Variants in PAM observed in about 807,000 individuals in gnomAD.
The protein encoded by PAM is peptidyl-glycine alpha-amidating monooxygenase.
A neutral mutation model predicts 122.1 loss-of-function variants in PAM; 72 were observed. The ratio of observed to expected loss-of-function variants is 0.59; its 90% CI spans 0.49 to 0.72. PAM has a LOEUF of 0.72. Among genes scored for constraint, PAM ranks in the 30% least tolerant of loss-of-function variants. The pLI, the probability that PAM is intolerant of heterozygous loss-of-function variation, is 0.00. For synonymous variants in PAM, 389 were observed against 404.4 expected (o/e 0.96, Z 0.46); for missense variants, 1,106 against 1,183.7 (o/e 0.93, Z 0.96).
intron 7 of PAM, among the ~76,000 whole-genome samples, chr5:102,946,427 C>A (rs1185591672): frequency 3.3e-5 from 5 of 151,848 alleles, no homozygotes; most frequent in Non-Finnish European, 7.4e-5. Context: ...AAATTATGAA[C>A]TACACTTCTT....
chr5:102,775,100 C>A (rs1248914856), intron 1 of PAM, among the ~76,000 whole-genome samples: 2 of 151,844 alleles, frequency 1.3e-5, no homozygotes, highest in African/African-American at 4.8e-5. Context: ...ATGGATTTTA[C>A]AAATTGATTC....
At chr5:102,790,560 G>A (rs1425397491) in intron 1 of PAM, among the ~76,000 whole-genome samples, 2 of 152,016 alleles carry the variant, frequency 1.3e-5, no homozygotes, top group African/African-American at 2.4e-5. Context: ...TGTGGTATTA[G>A]GTTAGATAGA....
At chr5:103,001,102 A>C (rs1777252044) in intron 16 of PAM, among the ~76,000 whole-genome samples, 3 of 152,212 alleles carry the variant, frequency 2.0e-5, no homozygotes, top group African/African-American at 7.2e-5. Flanking sequence ...TGAAGGTTAC[A>C]ATATACTGAG....
chr5:102,776,222 A>C (rs1305420519), intron 1 of PAM, among the ~76,000 whole-genome samples: 1 of 151,878 alleles, frequency 6.6e-6, no homozygotes, highest in Non-Finnish European at 1.5e-5. Context: ...TTCCTTGTAG[A>C]TTCTGGGTAT....
intron 4 of PAM, among the ~76,000 whole-genome samples, chr5:102,902,793 A>G (rs1798370600): frequency 6.6e-6 from 1 of 151,456 alleles, no homozygotes; most frequent in South Asian, 2.1e-4. Context: ...CACACCAGCT[A>G]TGAAGAGAAG....
intron 5 of PAM, 125 bp downstream of exon 5, chr5:102,914,146 T>C: frequency 1.6e-6 from 1 of 632,740 alleles, no homozygotes; most frequent in Non-Finnish European, 2.9e-6. Context: ...AAAAAGAACA[T>C]TGTTCATTGT....
At chr5:102,857,419 A>G (rs1463553254) in intron 1 of PAM, among the ~76,000 whole-genome samples, 4 of 152,184 alleles carry the variant, frequency 2.6e-5, no homozygotes, top group Non-Finnish European at 5.9e-5. Context: ...TCAGAGCTCA[A>G]ATATGGGGGA....
chr5:102,969,371 C>T (rs891345588), intron 14 of PAM, among the ~76,000 whole-genome samples: 2 of 151,806 alleles, frequency 1.3e-5, no homozygotes, highest in Non-Finnish European at 2.9e-5. Context: ...CAGGAGTGTC[C>T]AAGGTGGGTA....
Position 102,901,426 on chromosome 5 carries a change from T to G in PAM, c.268+13T>G. 6.7e-7 allele frequency: 1 copy of G among 1,482,866 alleles called. No individual in the cohort carries two copies. Among genetic ancestry groups the G allele is most frequent in the Non-Finnish European group, 9.4e-7 (1 of 1,062,294 alleles). 91.9% of individuals were successfully genotyped at this position (1,482,866 alleles called of 1,614,324 possible). On this transcript the variant is annotated intron_variant, in intron 4 of 25. Coordinates refer to ENST00000438793, the MANE Select transcript of PAM (RefSeq NM_001177306.2). ...GAAGCCTTCGTGAGTAAGTATTAATTGGATTGGGGGAGTAGCAGTTTAATG... is the reference window on the plus strand; with the variant it reads ...GAAGCCTTCGTGAGTAAGTATTAATGGGATTGGGGGAGTAGCAGTTTAATG...
At chr5:102,984,162 A>G (rs1770929200) in intron 15 of PAM, among the ~76,000 whole-genome samples, 1 of 152,134 alleles carries the variant, frequency 6.6e-6, no homozygotes, top group African/African-American at 2.4e-5. Flanking sequence ...ATGATAAACA[A>G]TAGGAAAGAA....
At chr5:102,882,520 T>C (rs769510613) in intron 3 of PAM, among the ~76,000 whole-genome samples, 71 of 152,128 alleles carry the variant, frequency 4.7e-4, no homozygotes, top group Non-Finnish European at 9.9e-4. Flanking sequence ...TTTGTATATA[T>C]TCTTTTGAGA....
At chr5:102,806,022 C>T (rs1382977275) in intron 1 of PAM, among the ~76,000 whole-genome samples, 6 of 152,204 alleles carry the variant, frequency 3.9e-5, no homozygotes, top group Non-Finnish European at 8.8e-5. Context: ...GTCTTATTTT[C>T]GGATGTGCTC....
chr5:102,758,082 T>G lies in PAM; in HGVS notation c.-374+2734T>G, dbSNP rs1157310872. On this transcript the variant is annotated intron_variant, in intron 1 of 25. Transcript: ENST00000438793. Reference sequence around the variant, plus strand: ...AAAGACTTAGAATTTTGTTTTTTTTTTTTTTTTTTTTTTTTTTTTTTTTTT... The same window carrying G: ...AAAGACTTAGAATTTTGTTTTTTTTGTTTTTTTTTTTTTTTTTTTTTTTTT... Among the ~76,000 whole-genome samples, 149 of 43,922 alleles carry G rather than the reference T, an allele frequency of 3.4e-3. 5 individuals carry two copies. Among genetic ancestry groups the G allele is most frequent in the African/African-American group, 0.011 (135 of 11,794 alleles). 28.8% of individuals were successfully genotyped at this position (43,922 alleles called of 152,430 possible). A position where few individuals can be genotyped will look rare whatever the true frequency, so the allele number is the denominator to read the frequency against.
At chr5:103,029,745 T>C (rs1785986707), downstream of PAM, 1 of 152,524 alleles carries the variant, frequency 6.6e-6, no homozygotes, top group Admixed American at 6.5e-5. Flanking sequence ...AGTTTTTGCG[T>C]ATTTGCAGAT....
chr5:102,952,526 G>A (rs1316126365), intron 12 of PAM, among the ~76,000 whole-genome samples: 2 of 151,602 alleles, frequency 1.3e-5, no homozygotes, highest in Non-Finnish European at 2.9e-5. Context: ...AACTTATTGG[G>A]TGAGTCCATA....
At chr5:102,858,059 A>G (rs977288434) in intron 1 of PAM, among the ~76,000 whole-genome samples, 1 of 152,202 alleles carries the variant, frequency 6.6e-6, no homozygotes, top group South Asian at 2.1e-4. Context: ...TTAATAACCC[A>G]TATCTCAAAG....
At chr5:102,829,061 A>G (rs1223310152) in intron 1 of PAM, among the ~76,000 whole-genome samples, 1 of 151,970 alleles carries the variant, frequency 6.6e-6, no homozygotes, top group Non-Finnish European at 1.5e-5. Flanking sequence ...TTAAAGATAT[A>G]TAACAATTCA....
chr5:102,900,896 A>C (rs564039227), intron 3 of PAM, among the ~76,000 whole-genome samples: 1 of 151,724 alleles, frequency 6.6e-6, no homozygotes, highest in South Asian at 2.1e-4. Context: ...AGGGCAACCA[A>C]AAATAATAAA....
intron 4 of PAM, among the ~76,000 whole-genome samples, chr5:102,909,889 G>C (rs932566978): frequency 6.6e-6 from 1 of 151,856 alleles, no homozygotes; most frequent in African/African-American, 2.4e-5. Context: ...ATCCAAACTT[G>C]CAAGTCGGTG....
Sources: gnomAD v4.1 joint callset for allele counts (sites outside exome capture counted in the v4.1 genomes callset) on GRCh38, gnomAD v4.1.1 for gene constraint, MANE v1.5 for transcripts, NCBI Gene and HGNC (gene_info 2026-07-23, HGNC 2026-07-21) for gene names.